The following RNF144A variants were observed in gnomAD, a reference collection of about 807,000 sequenced individuals.
The protein encoded by RNF144A is ring finger protein 144A.
RNF144A carries 11 observed loss-of-function variants against 38.7 expected under a neutral mutation model. The ratio of observed to expected loss-of-function variants is 0.28; its 90% CI spans 0.18 to 0.47. The LOEUF (loss-of-function observed/expected upper bound fraction) is 0.47, where lower values mean the gene tolerates loss of function less well. Among genes scored for constraint, RNF144A ranks in the 20% least tolerant of loss-of-function variants. RNF144A has a pLI of 0.99. For missense variants in RNF144A, 316 were observed against 377.2 expected (o/e 0.84, Z 1.34); for synonymous variants, 149 against 143.9 (o/e 1.04, Z -0.25).
Position 7,041,465 on chromosome 2 carries a change from A to C in RNF144A, c.*1705A>C. 1.0e-6 allele frequency: 1 copy of C among 985,918 alleles called. No homozygotes were observed. The highest frequency in any genetic ancestry group is 1.2e-6 in the Non-Finnish European group (1 of 829,942). 61.1% of individuals were successfully genotyped at this position (985,918 alleles called of 1,614,324 possible). A position where few individuals can be genotyped will look rare whatever the true frequency, so the allele number is the denominator to read the frequency against. ...TTACATTCAAAAAGCTCTCCTTGTA[A>C]TTGCAAGTTTAGTAACTCAGTAAGA... On this transcript the variant is annotated 3_prime_UTR_variant, in exon 9 of 9. Transcript: ENST00000320892.
At chr2:7,004,269 C>T (rs576637419) in intron 3 of RNF144A, among the ~76,000 whole-genome samples, 1 of 152,232 alleles carries the variant, frequency 6.6e-6, no homozygotes, top group Non-Finnish European at 1.5e-5. Context: ...GTGGTGGCTG[C>T]AGATGTCACT....
chr2:6,947,185 T>G (rs1205488521), intron 2 of RNF144A, among the ~76,000 whole-genome samples: 1 of 152,086 alleles, frequency 6.6e-6, no homozygotes, highest in African/African-American at 2.4e-5. Context: ...ATATACAAAC[T>G]TAAAGAGAAA....
intron 1 of RNF144A, among the ~76,000 whole-genome samples, chr2:6,920,785 C>T (rs995132935): frequency 6.6e-6 from 1 of 152,194 alleles, no homozygotes; most frequent in Non-Finnish European, 1.5e-5. Context: ...ACATGAATAC[C>T]CTTTCTTAGT....
At chr2:7,023,383 G>A (rs535782811) in intron 6 of RNF144A, among the ~76,000 whole-genome samples, 145 of 152,264 alleles carry the variant, frequency 9.5e-4, no homozygotes, top group Middle Eastern at 3.4e-3. Context: ...GCCAGAATTT[G>A]CTCAACTGCC....
chr2:7,072,570 C>G (rs1021350091), downstream of RNF144A, among the ~76,000 whole-genome samples: 2 of 152,190 alleles, frequency 1.3e-5, no homozygotes, highest in Admixed American at 1.3e-4. Context: ...TCTTCCTACC[C>G]CATTCCATTT....
intron 1 of RNF144A, among the ~76,000 whole-genome samples, chr2:6,919,016 G>A (rs1664359182): frequency 1.3e-5 from 2 of 152,202 alleles, no homozygotes; most frequent in South Asian, 4.1e-4. Flanking sequence ...GTTGAGAGTT[G>A]AGCCTGGCAG....
intron 2 of RNF144A, among the ~76,000 whole-genome samples, chr2:6,990,395 C>A (rs1337916627): frequency 2.3e-5 from 1 of 43,408 alleles, no homozygotes. Flanking sequence ...TACACACACA[C>A]ACACACACAC....
chr2:7,014,580 G>A (rs768619157), intron 4 of RNF144A, 22 bp downstream of exon 4: 1 of 1,568,620 alleles, frequency 6.4e-7, no homozygotes, highest in Non-Finnish European at 8.7e-7. Context: ...TGAACAGACT[G>A]GGCTGTTTGA....
the RNF144A span, among the ~76,000 whole-genome samples, chr2:7,075,677 C>G: frequency 6.6e-6 from 1 of 152,144 alleles, no homozygotes; most frequent in African/African-American, 2.4e-5. Context: ...TTTTCAGCCT[C>G]CAGAACTGTG....
Position 6,927,747 on chromosome 2 carries a change from G to A in RNF144A, c.-212+10125G>A, listed in dbSNP as rs1462857418. On this transcript the variant is annotated intron_variant, in intron 1 of 8. Coordinates refer to ENST00000320892, the MANE Select transcript of RNF144A (RefSeq NM_014746.6). ...GTCATAATTGTTATATAGATTGTAT[G>A]TTGAGATGATTATATTTTGGTCATA... Among the ~76,000 whole-genome samples the A allele has an allele frequency of 2.0e-5, 3 of 152,222 alleles. No homozygotes were observed. The East Asian group carries it at 5.8e-4, about 29-fold the overall frequency.
downstream of RNF144A, chr2:7,044,241 T>G: frequency 1.1e-6 from 1 of 929,600 alleles, no homozygotes; most frequent in Non-Finnish European, 1.3e-6. Context: ...ATGGAAAATA[T>G]TCTATCTTCA....
At chr2:6,976,141 A>T (rs1668298754) in intron 2 of RNF144A, among the ~76,000 whole-genome samples, 1 of 152,222 alleles carries the variant, frequency 6.6e-6, no homozygotes, top group Non-Finnish European at 1.5e-5. Flanking sequence ...TTACTAGGTC[A>T]GTGGGTACAT....
chr2:6,951,177 A>G (rs901228183), intron 2 of RNF144A, among the ~76,000 whole-genome samples: 1 of 152,188 alleles, frequency 6.6e-6, no homozygotes, highest in African/African-American at 2.4e-5. Context: ...GTTTTTATTC[A>G]TAAGGAAAAA....
chr2:7,060,143 CT>C (rs34207917), intron 6 of RNF144A, among the ~76,000 whole-genome samples: 41,371 of 152,026 alleles, frequency 0.27, 6,747 homozygotes, highest in South Asian at 0.43. Context: ...CTAATTGTGT[CT>C]CCTCTTTCTT....
chr2:6,967,391 A>G lies in RNF144A; in HGVS notation c.-12+26244A>G, dbSNP rs554182192. Among the ~76,000 whole-genome samples, 467 of 152,358 alleles carry G rather than the reference A, an allele frequency of 3.1e-3. 7 individuals carry two copies. Among genetic ancestry groups the G allele is most frequent in the African/African-American group, 0.011 (455 of 41,590 alleles). ...GTGTGAGCACCAGTGTTATGGGGGA[A>G]GAGGATGAGGGTGAAGGGAACCGGC... On this transcript the variant is annotated intron_variant, in intron 2 of 8. Coordinates refer to ENST00000320892, the MANE Select transcript of RNF144A (RefSeq NM_014746.6).
chr2:6,937,781 C>T (rs967711960), intron 1 of RNF144A, among the ~76,000 whole-genome samples: 1 of 152,064 alleles, frequency 6.6e-6, no homozygotes, highest in Non-Finnish European at 1.5e-5. Flanking sequence ...TCTCGGCTGG[C>T]GGAGACATTG....
At chr2:7,008,673 A>G (rs1670607277) in intron 3 of RNF144A, among the ~76,000 whole-genome samples, 1 of 151,998 alleles carries the variant, frequency 6.6e-6, no homozygotes. Context: ...CTTTCTCCTG[A>G]CTGCTGTTTG....
chr2:6,932,390 G>T (rs185284656), intron 1 of RNF144A, among the ~76,000 whole-genome samples: 1 of 152,148 alleles, frequency 6.6e-6, no homozygotes, highest in Admixed American at 6.5e-5. Context: ...CTTTTAACTG[G>T]TATATTTAGA....
chr2:6,965,323 G>A lies in RNF144A; in HGVS notation c.-12+24176G>A, dbSNP rs568916012. On this transcript the variant is annotated intron_variant, in intron 2 of 8. Coordinates refer to ENST00000320892, the MANE Select transcript of RNF144A (RefSeq NM_014746.6). ...GGAGGCTGTCATAGGAGGCAGTGGT[G>A]CCCTGCAAGGTGGGGAGCGGCCCCC... 3.9e-5 allele frequency among the ~76,000 whole-genome samples: 6 copies of A among 152,320 alleles called. No individual in the cohort carries two copies. In the East Asian group the frequency reaches 1.2e-3, roughly 29 times the overall value.
Sources: allele counts gnomAD v4.1 joint callset (sites outside exome capture counted in the v4.1 genomes callset), GRCh38; gene constraint gnomAD v4.1.1; transcripts MANE v1.5; gene names NCBI Gene and HGNC (gene_info 2026-07-23, HGNC 2026-07-21).